Variants in MRC1 observed in about 807,000 individuals in gnomAD.
MRC1 encodes mannose receptor C-type 1.
MRC1 carries 62 observed loss-of-function variants against 102.9 expected under a neutral mutation model. The observed-to-expected ratio is 0.60, with a 90% CI of 0.49 to 0.74. The LOEUF is 0.74. Among genes scored for constraint, MRC1 ranks in the 30% least tolerant of loss-of-function variants. The probability of loss-of-function intolerance (pLI) is 0.00; values close to 1 mark genes in which losing one functional copy is unlikely to be tolerated. For synonymous variants in MRC1, 457 were observed against 298.4 expected, an observed-to-expected ratio of 1.53 and a Z score of -5.48; for missense variants, 1,237 against 862.8, an observed-to-expected ratio of 1.43 and a Z score of -5.43.
chr10:17,820,037 T>C (rs1838372475), intron 1 of MRC1, among the ~76,000 whole-genome samples: 1 of 152,348 alleles, frequency 6.6e-6, no homozygotes, highest in South Asian at 2.1e-4. Flanking sequence ...TTCTTCAGCT[T>C]GTTTCTCTTA....
intron 29 of MRC1, 103 bp downstream of exon 29, chr10:17,909,450 G>A (rs539212429): frequency 1.3e-6 from 1 of 746,608 alleles, no homozygotes; most frequent in South Asian, 1.5e-5. Flanking sequence ...TGCTCTCTCA[G>A]TAGAATTTGC....
chr10:17,815,176 T>A (rs1332623993), intron 1 of MRC1, among the ~76,000 whole-genome samples: 2 of 152,158 alleles, frequency 1.3e-5, no homozygotes, highest in Non-Finnish European at 2.9e-5. Flanking sequence ...GTCCTGCTAT[T>A]TCCCCCTTTA....
Position 17,812,764 on chromosome 10 carries a change from G to C in MRC1, c.61+3238G>C, listed in dbSNP as rs941098015. Among the ~76,000 whole-genome samples the C allele has an allele frequency of 2.0e-3, 300 of 151,940 alleles. 3 individuals carry two copies. Among genetic ancestry groups the C allele is most frequent in the African/African-American group, 6.8e-3 (283 of 41,428 alleles). ...TTTTTTCTATTTTTAGTAGAGATGGGGTTTCACCATGTTGGCCAGGCTGGT... is the reference window on the plus strand; with the variant it reads ...TTTTTTCTATTTTTAGTAGAGATGGCGTTTCACCATGTTGGCCAGGCTGGT... On this transcript the variant is annotated intron_variant, in intron 1 of 29. Transcript: ENST00000569591.
At chr10:17,848,623 A>G (rs1838865437) in intron 6 of MRC1, among the ~76,000 whole-genome samples, 1 of 152,160 alleles carries the variant, frequency 6.6e-6, no homozygotes, top group Admixed American at 6.5e-5. Context: ...TCTAGTTCAG[A>G]AGAACATGGG....
intron 22 of MRC1, among the ~76,000 whole-genome samples, chr10:17,891,431 G>C (rs1833674551): frequency 6.6e-6 from 1 of 152,102 alleles, no homozygotes; most frequent in African/African-American, 2.4e-5. Context: ...CTCCCGAAGT[G>C]CTGGGATTAC....
chr10:17,852,829 G>A, intron 7 of MRC1, 138 bp from the exon 8 acceptor site: 1 of 756,760 alleles, frequency 1.3e-6, no homozygotes, highest in Non-Finnish European at 2.5e-6. Context: ...GCACTCATGA[G>A]GACTATCTTT....
At chr10:17,842,583 G>T (rs1838768206) in intron 5 of MRC1, among the ~76,000 whole-genome samples, 1 of 152,266 alleles carries the variant, frequency 6.6e-6, no homozygotes, top group East Asian at 1.9e-4. Context: ...GAAAATTTAG[G>T]TGTCTGTCTA....
At chr10:17,821,725 T>G (rs2477639) in intron 1 of MRC1, among the ~76,000 whole-genome samples, 18 of 151,970 alleles carry the variant, frequency 1.2e-4, no homozygotes, top group African/African-American at 4.1e-4. Flanking sequence ...CAGAACAGGA[T>G]ATAGAATACA....
chr10:17,833,428 G>C (rs1838610200), intron 3 of MRC1, among the ~76,000 whole-genome samples: 1 of 150,912 alleles, frequency 6.6e-6, no homozygotes, highest in Non-Finnish European at 1.5e-5. Flanking sequence ...AACTGAGGTG[G>C]GAAGATTGTT....
chr10:17,828,140 G>T (rs994275448), intron 3 of MRC1, among the ~76,000 whole-genome samples: 72 of 152,086 alleles, frequency 4.7e-4, no homozygotes, highest in Non-Finnish European at 9.6e-4. Context: ...GTGGTGGTGC[G>T]ATCTCCACTC....
chr10:17,851,535 T>C (rs1838916818), intron 7 of MRC1, among the ~76,000 whole-genome samples: 1 of 152,176 alleles, frequency 6.6e-6, no homozygotes, highest in African/African-American at 2.4e-5. Context: ...AACTTTACAC[T>C]CACATCTTAT....
chr10:17,845,237 T>C, intron 5 of MRC1, 52 bp from the exon 6 acceptor site: 1 of 780,748 alleles, frequency 1.3e-6, no homozygotes, highest in Non-Finnish European at 2.4e-6. Context: ...AGGGATGCTA[T>C]CTGCTGGGAA....
intron 4 of MRC1, among the ~76,000 whole-genome samples, chr10:17,838,331 C>T (rs1436656562): frequency 1.3e-5 from 2 of 152,166 alleles, no homozygotes; most frequent in Non-Finnish European, 2.9e-5. Context: ...CACGTTTGCA[C>T]ACTACCCACA....
intron 21 of MRC1, among the ~76,000 whole-genome samples, chr10:17,883,392 T>C (rs1280257589): frequency 6.6e-6 from 1 of 151,860 alleles, no homozygotes; most frequent in East Asian, 1.9e-4. Flanking sequence ...ACCTCCCAAA[T>C]TGTTGAGATT....
At position 17,835,637 on chromosome 10, in the gene MRC1, G is replaced by C. The variant is rs976345457; in HGVS notation, c.802+1798G>C. On this transcript the variant is annotated intron_variant, in intron 4 of 29. Transcript: ENST00000569591. ...GGTTCACACAGAGCCTTCCAAGGAA[G>C]GGTCTCACCAAACATTTGCTGACTG... Among the ~76,000 whole-genome samples, 41 of 152,238 alleles carry C rather than the reference G, an allele frequency of 2.7e-4. No individual in the cohort carries two copies. The East Asian group carries it at 7.3e-3, about 27-fold the overall frequency.
chr10:17,839,451 GA>G (rs1838717703), intron 4 of MRC1, among the ~76,000 whole-genome samples: 1 of 148,288 alleles, frequency 6.7e-6, no homozygotes, highest in Non-Finnish European at 1.5e-5. Flanking sequence ...TGTGCAAGTA[GA>G]AAGATAATTA....
chr10:17,871,226 A>G (rs1345668401), intron 14 of MRC1, among the ~76,000 whole-genome samples: 2 of 152,194 alleles, frequency 1.3e-5, no homozygotes, highest in African/African-American at 4.8e-5. Flanking sequence ...CGTGCTGGCA[A>G]TATTTAGAAG....
chr10:17,892,639 T>C (rs1554843210), intron 22 of MRC1, among the ~76,000 whole-genome samples: 2 of 152,236 alleles, frequency 1.3e-5, no homozygotes, highest in African/African-American at 2.4e-5. Context: ...TGTGCTCCTT[T>C]TTTTTGTTTT....
intron 4 of MRC1, among the ~76,000 whole-genome samples, chr10:17,836,636 A>G (rs932968930): frequency 9.9e-5 from 15 of 152,086 alleles, no homozygotes; most frequent in Admixed American, 2.6e-4. Context: ...GGAGTTTGAG[A>G]CCTGCTTGGC....
Sources: gnomAD v4.1 joint callset for allele counts (sites outside exome capture counted in the v4.1 genomes callset) on GRCh38, gnomAD v4.1.1 for gene constraint, MANE v1.5 for transcripts, NCBI Gene and HGNC (gene_info 2026-07-23, HGNC 2026-07-21) for gene names.